Variants in FAT3 observed in about 807,000 individuals in gnomAD.
FAT3 encodes protocadherin Fat 3.
FAT3 carries 95 observed loss-of-function variants against 310.2 expected under a neutral mutation model. That is an observed-to-expected ratio of 0.31 (90% CI 0.26 to 0.36). The LOEUF is 0.36. FAT3 is among the 10% of genes least tolerant of loss of function. FAT3 has a pLI of 1.00. For synonymous variants in FAT3, 2,314 were observed against 2,192.9 expected (o/e 1.06, Z -1.54); for missense variants, 5,408 against 5,715.6 (o/e 0.95, Z 1.74).
At chr11:92,316,145 T>A (rs1015608262) in intron 1 of FAT3, among the ~76,000 whole-genome samples, 1 of 151,986 alleles carries the variant, frequency 6.6e-6, no homozygotes, top group Non-Finnish European at 1.5e-5. Context: ...ACCCAGGTCC[T>A]CTGTGGAGTC....
At chr11:92,622,093 C>G (rs1277816246) in intron 3 of FAT3, among the ~76,000 whole-genome samples, 3 of 152,054 alleles carry the variant, frequency 2.0e-5, no homozygotes, top group Non-Finnish European at 4.4e-5. Flanking sequence ...GTGAACTGGC[C>G]TAGCCAACAT....
intron 2 of FAT3, among the ~76,000 whole-genome samples, chr11:92,418,427 C>CT (rs1950463131): frequency 4.0e-5 from 2 of 50,318 alleles, no homozygotes; most frequent in African/African-American, 5.5e-5. Flanking sequence ...ACACCCCCCC[C>CT]ACCCCCCCAC....
Position 92,354,757 on chromosome 11 carries a change from C to T in FAT3, c.2645C>T (p.Ser882Leu), listed in dbSNP as rs760038345. The change falls in exon 2 of 28, where the codon TCA (serine) becomes TTA (leucine). Residue 882 changes from serine (S) to leucine (L), a missense_variant. Physicochemically the swap from Ser to Leu is moderately radical, Grantham distance 145 (BLOSUM62 -2). Around this residue, in one of 5 missense-constraint regions of FAT3, gnomAD observed 4,588 missense variants for 4,809.8 expected, o/e 0.95. Coordinates refer to ENST00000525166, the MANE Select transcript of FAT3 (RefSeq NM_001367949.2). The stretch of plus-strand genomic sequence containing the variant: ...ACACAGCAGTTTGCCATCAATAGCT[C>T]AACTGGAATCGTTTATGTAGCCGAC... ...TDTQQFAINSSTGIVYVADQL... is the reference protein window; with the variant it reads ...TDTQQFAINSLTGIVYVADQL... 3 of 1,613,920 alleles carry T rather than the reference C, an allele frequency of 1.9e-6. No individual in the cohort carries two copies. In the Admixed American group the frequency reaches 5.0e-5, roughly 27 times the overall value.
chr11:92,745,787 G>T (rs900836608), intron 4 of FAT3, among the ~76,000 whole-genome samples: 4 of 152,174 alleles, frequency 2.6e-5, no homozygotes, highest in African/African-American at 9.7e-5. Flanking sequence ...GTCCTGAAAT[G>T]CAAGGTCCAT....
intron 3 of FAT3, among the ~76,000 whole-genome samples, chr11:92,637,411 C>T (rs1374755943): frequency 6.6e-6 from 1 of 152,162 alleles, no homozygotes; most frequent in Non-Finnish European, 1.5e-5. Context: ...CATTTTTGCA[C>T]CATTTGTTTC....
chr11:92,759,861 A>G (rs1304082161), intron 4 of FAT3, among the ~76,000 whole-genome samples: 1 of 152,088 alleles, frequency 6.6e-6, no homozygotes, highest in Non-Finnish European at 1.5e-5. Context: ...GCTCCAGAAC[A>G]CTGTCTCAGA....
intron 5 of FAT3, among the ~76,000 whole-genome samples, chr11:92,762,606 G>A (rs1416496118): frequency 6.6e-6 from 1 of 152,106 alleles, no homozygotes; most frequent in Non-Finnish European, 1.5e-5. Context: ...ATGTGATAGA[G>A]CATGGATATA....
chr11:92,583,077 TA>T (rs1336141182), intron 3 of FAT3, among the ~76,000 whole-genome samples: 9 of 134,642 alleles, frequency 6.7e-5, no homozygotes, highest in African/African-American at 3.2e-4. Context: ...CTTTGCAGAA[TA>T]TTTTTTTCAA....
chr11:92,851,848 G>A (rs1313465835), intron 19 of FAT3, among the ~76,000 whole-genome samples: 1 of 152,242 alleles, frequency 6.6e-6, no homozygotes, highest in African/African-American at 2.4e-5. Context: ...GCCAGCAGGA[G>A]TTGATACTGC....
At chr11:92,332,292 T>G (rs960921754) in intron 1 of FAT3, among the ~76,000 whole-genome samples, 1 of 152,214 alleles carries the variant, frequency 6.6e-6, no homozygotes, top group Admixed American at 6.5e-5. Flanking sequence ...AAGATTCCAG[T>G]TAATCATTAG....
At chr11:92,536,430 C>T (rs1954261514) in intron 3 of FAT3, among the ~76,000 whole-genome samples, 3 of 152,192 alleles carry the variant, frequency 2.0e-5, no homozygotes, top group Admixed American at 2.0e-4. Context: ...AGCTTCTTGG[C>T]CATGTGATGT....
intron 3 of FAT3, among the ~76,000 whole-genome samples, chr11:92,629,866 G>A (rs1363229989): frequency 6.6e-6 from 1 of 152,060 alleles, no homozygotes; most frequent in Admixed American, 6.5e-5. Context: ...CAAACAACAT[G>A]TACATCAGAA....
intron 3 of FAT3, among the ~76,000 whole-genome samples, chr11:92,616,104 G>A (rs945994929): frequency 6.6e-6 from 1 of 152,166 alleles, no homozygotes; most frequent in African/African-American, 2.4e-5. Flanking sequence ...GTTATTGTGT[G>A]AGAGTCTAAG....
chr11:92,323,094 G>A (rs1947668456), intron 1 of FAT3, among the ~76,000 whole-genome samples: 1 of 152,060 alleles, frequency 6.6e-6, no homozygotes, highest in Non-Finnish European at 1.5e-5. Context: ...TGATCCATGG[G>A]CTGCATAGTG....
At chr11:92,555,064 C>T (rs1954969912) in intron 3 of FAT3, among the ~76,000 whole-genome samples, 1 of 152,214 alleles carries the variant, frequency 6.6e-6, no homozygotes, top group African/African-American at 2.4e-5. Flanking sequence ...TTTGAGACCA[C>T]ACACACCCAC....
At chr11:92,584,437 C>T (rs1194288365) in intron 3 of FAT3, among the ~76,000 whole-genome samples, 1 of 152,026 alleles carries the variant, frequency 6.6e-6, no homozygotes, top group East Asian at 1.9e-4. Flanking sequence ...TTAGCTAATT[C>T]TGCTCCTGAA....
chr11:92,754,081 A>G (rs1313142174), intron 4 of FAT3, among the ~76,000 whole-genome samples: 1 of 152,002 alleles, frequency 6.6e-6, no homozygotes, highest in East Asian at 1.9e-4. Context: ...GTCACCACTA[A>G]AGAACTTAAT....
chr11:92,514,170 A>C (rs1953400418), intron 2 of FAT3, among the ~76,000 whole-genome samples: 1 of 152,212 alleles, frequency 6.6e-6, no homozygotes, highest in South Asian at 2.1e-4. Flanking sequence ...TAAATAATTA[A>C]AGTTCAGTCT....
chr11:92,411,171 T>A (rs1187691085), intron 2 of FAT3, among the ~76,000 whole-genome samples: 2 of 144,952 alleles, frequency 1.4e-5, no homozygotes, highest in African/African-American at 5.1e-5. Context: ...AATATATATA[T>A]AAATATATGA....
Sources: allele counts gnomAD v4.1 joint callset (sites outside exome capture counted in the v4.1 genomes callset), GRCh38; gene constraint gnomAD v4.1.1; regional missense constraint gnomAD v4.1.1; transcripts MANE v1.5; gene names NCBI Gene and HGNC (gene_info 2026-07-23, HGNC 2026-07-21).